ZNF76: variants seen among roughly 807,000 people sequenced by gnomAD.
ZNF76 encodes zinc finger protein 523.
A neutral mutation model predicts 66.9 loss-of-function variants in ZNF76; 66 were observed. That is an observed-to-expected ratio of 0.99 (90% CI 0.81 to 1.21). ZNF76 has a LOEUF of 1.21. Among genes scored for constraint, ZNF76 ranks in the 50% most tolerant of loss-of-function variants. The pLI, the probability that ZNF76 is intolerant of heterozygous loss-of-function variation, is 0.00. For synonymous variants in ZNF76, 275 were observed against 296.1 expected, an observed-to-expected ratio of 0.93 and a Z score of 0.73; for missense variants, 729 against 760.3, an observed-to-expected ratio of 0.96 and a Z score of 0.48.
At chr6:35,281,740 G>A (rs780377969) in intron 2 of ZNF76, among the ~76,000 whole-genome samples, 1 of 151,946 alleles carries the variant, frequency 6.6e-6, no homozygotes, top group Non-Finnish European at 1.5e-5. Flanking sequence ...AGACCAGCCT[G>A]GGCAACATAG....
chr6:35,294,984 C>T (rs1790974243), intron 13 of ZNF76, 160 bp from the exon 14 acceptor site: 6 of 616,546 alleles, frequency 9.7e-6, no homozygotes, highest in East Asian at 2.8e-5. Flanking sequence ...ACTCTTCATC[C>T]GTGAACTTCA....
chr6:35,267,710 G>T (rs987948069), intron 1 of ZNF76, among the ~76,000 whole-genome samples: 2 of 152,216 alleles, frequency 1.3e-5, no homozygotes, highest in African/African-American at 4.8e-5. Flanking sequence ...GCCAAGTGCA[G>T]ACGAAACATG....
intron 1 of ZNF76, among the ~76,000 whole-genome samples, chr6:35,272,977 A>C (rs1562096802): frequency 6.6e-6 from 1 of 152,006 alleles, no homozygotes; most frequent in East Asian, 2.0e-4. Flanking sequence ...AACATGGCGA[A>C]ACCCTGTCTG....
At chr6:35,286,452 A>G in intron 4 of ZNF76, 53 bp downstream of exon 4, 1 of 1,554,022 alleles carries the variant, frequency 6.4e-7, no homozygotes, top group Non-Finnish European at 8.8e-7. Flanking sequence ...GGACTGGAGG[A>G]TGGGGTGGCA....
intron 1 of ZNF76, among the ~76,000 whole-genome samples, chr6:35,260,924 C>T (rs1186439412): frequency 1.3e-5 from 2 of 152,190 alleles, no homozygotes; most frequent in Non-Finnish European, 1.5e-5. Flanking sequence ...CCCGGATCAC[C>T]CTCTTCACTC....
chr6:35,266,313 C>T (rs545178857), intron 1 of ZNF76, among the ~76,000 whole-genome samples: 8 of 152,118 alleles, frequency 5.3e-5, no homozygotes, highest in East Asian at 1.9e-4. Flanking sequence ...CCAGCGCACC[C>T]GGCTAATTTT....
intron 1 of ZNF76, among the ~76,000 whole-genome samples, chr6:35,271,787 C>T (rs1439866242): frequency 1.3e-5 from 2 of 152,058 alleles, no homozygotes; most frequent in African/African-American, 4.8e-5. Context: ...AAACACGGCA[C>T]ATCCCAGTTT....
intron 1 of ZNF76, among the ~76,000 whole-genome samples, chr6:35,277,760 T>C (rs1788128176): frequency 6.6e-6 from 1 of 152,250 alleles, no homozygotes; most frequent in African/African-American, 2.4e-5. Flanking sequence ...TAGTAAATGT[T>C]TATGGACAGA....
At chr6:35,289,363 G>A (rs1256700629) in intron 5 of ZNF76, among the ~76,000 whole-genome samples, 1 of 152,174 alleles carries the variant, frequency 6.6e-6, no homozygotes, top group Non-Finnish European at 1.5e-5. Flanking sequence ...AAGTGTCCGT[G>A]AAGCTCTCAG....
chr6:35,282,028 A>C (rs1788842734), intron 2 of ZNF76, among the ~76,000 whole-genome samples: 2 of 152,116 alleles, frequency 1.3e-5, no homozygotes, highest in African/African-American at 4.8e-5. Context: ...AGGGGATGCC[A>C]GAATTGAAAA....
intron 1 of ZNF76, among the ~76,000 whole-genome samples, chr6:35,269,158 G>A (rs1268344033): frequency 6.6e-6 from 1 of 151,858 alleles, no homozygotes; most frequent in South Asian, 2.1e-4. Flanking sequence ...GCAGGCGCCT[G>A]TAGTCCCAGC....
At chr6:35,277,808 G>A (rs1788131894) in intron 1 of ZNF76, among the ~76,000 whole-genome samples, 1 of 152,226 alleles carries the variant, frequency 6.6e-6, no homozygotes, top group African/African-American at 2.4e-5. Flanking sequence ...CATGCCTGGG[G>A]TAGAGCATTC....
Position 35,281,089 on chromosome 6 carries a change from C to T in ZNF76, c.-63C>T, listed in dbSNP as rs1435074345. 1 of 1,483,824 alleles carries T rather than the reference C, an allele frequency of 6.7e-7. No individual in the cohort carries two copies. Among genetic ancestry groups the T allele is most frequent in the African/African-American group, 1.4e-5 (1 of 72,306 alleles). The allele number at this position is 1,483,824 out of a possible 1,614,324, so 91.9% of individuals were successfully genotyped here. ...CCCAGAAGGAAATCTCTGACCTCAG[C>T]TGTGGCTCTTGGTGCTGGCCAGAAG... is the stretch of plus-strand genomic sequence containing the variant. On this transcript the variant is annotated 5_prime_UTR_variant, in exon 2 of 14. Coordinates refer to ENST00000373953, the MANE Select transcript of ZNF76 (RefSeq NM_003427.5).
At position 35,280,524 on chromosome 6, in the gene ZNF76, C is replaced by G. The variant is rs960636156; in HGVS notation, c.-96-532C>G. ...GGAGGACTCAAGCATGATCCCCCCC[C>G]CCCCCGCCCTGAAGTTCTGGGTGGA... On this transcript the variant is annotated intron_variant, in intron 1 of 13. Transcript: ENST00000373953. Among the ~76,000 whole-genome samples the G allele has an allele frequency of 1.3e-3, 168 of 134,046 alleles. 1 individual carries two copies. The highest frequency in any genetic ancestry group is 3.5e-3 in the Middle Eastern group (1 of 284). The allele number at this position is 134,046 out of a possible 152,430, so 87.9% of individuals were successfully genotyped here. A position where few individuals can be genotyped will look rare whatever the true frequency, so the allele number is the denominator to read the frequency against.
At chr6:35,288,192 C>G (rs1470840313) in intron 5 of ZNF76, 1 of 500,068 alleles carries the variant, frequency 2.0e-6, no homozygotes. Flanking sequence ...TAGTAATCCT[C>G]TGCACTAGCT....
intron 7 of ZNF76, 95 bp downstream of exon 7, chr6:35,290,811 C>A (rs1790272117): frequency 1.8e-5 from 21 of 1,175,274 alleles, no homozygotes; most frequent in Non-Finnish European, 2.5e-5. Flanking sequence ...GGCTGCTTTC[C>A]TGGAGAAACT....
chr6:35,291,784 C>T (rs1790428703), intron 9 of ZNF76, 47 bp downstream of exon 9: 2 of 1,592,264 alleles, frequency 1.3e-6, no homozygotes, highest in Non-Finnish European at 1.7e-6. Flanking sequence ...GGCCCCAACC[C>T]CTCTACTGTA....
chr6:35,281,030 T>A lies in ZNF76; in HGVS notation c.-96-26T>A, dbSNP rs547783389. The A allele has an allele frequency of 1.9e-5, 18 of 962,378 alleles. No individual in the cohort carries two copies. In the South Asian group the frequency reaches 2.4e-4, roughly 13 times the overall value. 59.6% of individuals were successfully genotyped at this position (962,378 alleles called of 1,614,324 possible). On this transcript the variant is annotated intron_variant, in intron 1 of 13. Coordinates refer to ENST00000373953, the MANE Select transcript of ZNF76 (RefSeq NM_003427.5). ...CGATAGGAGAAAGCTGGTTAACTCA[T>A]AATGTGATACTGTTTATTTTCTTAG...
chr6:35,290,873 T>C (rs1421853460), intron 7 of ZNF76, 157 bp downstream of exon 7: 8 of 710,978 alleles, frequency 1.1e-5, no homozygotes, highest in Non-Finnish European at 1.7e-5. Flanking sequence ...GAAACCTTGT[T>C]ACGGGAGTGC....
Sources: allele counts gnomAD v4.1 joint callset (sites outside exome capture counted in the v4.1 genomes callset), GRCh38; gene constraint gnomAD v4.1.1; transcripts MANE v1.5; gene names NCBI Gene and HGNC (gene_info 2026-07-23, HGNC 2026-07-21).